Variants in HS6ST2 observed in about 807,000 individuals in gnomAD.
The protein encoded by HS6ST2 is heparan-sulfate 6-O-sulfotransferase 2.
HS6ST2 carries 17 observed loss-of-function variants against 33.0 expected under a neutral mutation model. That is an observed-to-expected ratio of 0.52 (90% CI 0.35 to 0.77). The LOEUF (loss-of-function observed/expected upper bound fraction) is 0.77, where lower values mean the gene tolerates loss of function less well. HS6ST2 is among the 30% of genes least tolerant of loss of function. The pLI is 0.01. For synonymous variants in HS6ST2, 248 were observed against 237.1 expected (o/e 1.05, Z -0.42); for missense variants, 519 against 551.7 (o/e 0.94, Z 0.59).
rs182093318 is a variant in HS6ST2, at chrX:132,665,811, C to T, written c.1067+3302G>A. Reference sequence around the variant, plus strand: ...GTTGGCATAGAAGAAACTGCTTGCACCTCCCTGAAAGTCATTTCCAGGGTA... The same window carrying T: ...GTTGGCATAGAAGAAACTGCTTGCATCTCCCTGAAAGTCATTTCCAGGGTA... On this transcript the variant is annotated intron_variant, in intron 4 of 4. Coordinates refer to ENST00000370833, the MANE Select transcript of HS6ST2 (RefSeq NM_001394073.1). Among the ~76,000 whole-genome samples, 12 of 110,682 alleles carry T rather than the reference C, an allele frequency of 1.1e-4. No homozygotes were observed. The East Asian group carries it at 2.6e-3, about 24-fold the overall frequency.
At chrX:132,805,438 CCA>C (rs2065272295) in intron 2 of HS6ST2, among the ~76,000 whole-genome samples, 2 of 110,195 alleles carry the variant, frequency 1.8e-5, no homozygotes, top group Middle Eastern at 4.2e-3. Context: ...CCTGCCTCCC[CCA>C]TCCCCCTTGG....
At chrX:132,705,370 A>C (rs1330570090) in intron 3 of HS6ST2, among the ~76,000 whole-genome samples, 1 of 111,751 alleles carries the variant, frequency 8.9e-6, no homozygotes, top group East Asian at 2.8e-4. Flanking sequence ...GAGGCCATTG[A>C]ATTGTGAAAC....
intron 3 of HS6ST2, among the ~76,000 whole-genome samples, chrX:132,673,331 CT>C (rs2063898655): frequency 8.9e-6 from 1 of 112,266 alleles, no homozygotes; most frequent in African/African-American, 3.2e-5. Flanking sequence ...GTATTAATGT[CT>C]TGCACCAGTT....
At chrX:132,886,301 TA>T (rs2066251469) in intron 2 of HS6ST2, among the ~76,000 whole-genome samples, 1 of 111,343 alleles carries the variant, frequency 9.0e-6, no homozygotes, top group Non-Finnish European at 1.9e-5. Context: ...AAAGAGAAAT[TA>T]AAATTTTCCC....
At chrX:132,769,620 A>G (rs1222158033) in intron 2 of HS6ST2, among the ~76,000 whole-genome samples, 2 of 112,616 alleles carry the variant, frequency 1.8e-5, no homozygotes, top group East Asian at 5.6e-4. Context: ...GCGATGGCAC[A>G]AGAAACAAAT....
intron 2 of HS6ST2, among the ~76,000 whole-genome samples, chrX:132,762,362 T>A (rs1009446638): frequency 2.7e-5 from 3 of 112,392 alleles, no homozygotes; most frequent in Non-Finnish European, 3.8e-5. Flanking sequence ...AAGTTCTTGA[T>A]AGAACCATTG....
intron 2 of HS6ST2, among the ~76,000 whole-genome samples, chrX:132,860,641 C>T (rs867838655): frequency 1.8e-5 from 2 of 111,416 alleles, no homozygotes; most frequent in South Asian, 7.5e-4. Flanking sequence ...GACTGTGTTT[C>T]CATTTCTAGT....
intron 2 of HS6ST2, among the ~76,000 whole-genome samples, chrX:132,883,278 G>A (rs773276538): frequency 9.0e-6 from 1 of 111,099 alleles, no homozygotes; most frequent in East Asian, 2.8e-4. Flanking sequence ...TTGGCTGGTA[G>A]GCTATTAATT....
intron 2 of HS6ST2, among the ~76,000 whole-genome samples, chrX:132,866,154 G>T (rs1476020663): frequency 9.0e-6 from 1 of 110,882 alleles, no homozygotes; most frequent in Non-Finnish European, 1.9e-5. Flanking sequence ...ATTGATTTTT[G>T]TATAAGGTGT....
chrX:132,932,896 C>A (rs997601479), intron 2 of HS6ST2, among the ~76,000 whole-genome samples: 1 of 102,852 alleles, frequency 9.7e-6, no homozygotes, highest in Non-Finnish European at 2.0e-5. Context: ...ATTCTATATT[C>A]TATAATATAT....
chrX:132,922,851 C>T (rs769792235), intron 2 of HS6ST2, among the ~76,000 whole-genome samples: 2 of 110,906 alleles, frequency 1.8e-5, no homozygotes, highest in Non-Finnish European at 3.8e-5. Flanking sequence ...TCACTTGAGG[C>T]CAGGAATTTG....
intron 2 of HS6ST2, among the ~76,000 whole-genome samples, chrX:132,809,500 G>A (rs1214438164): frequency 2.7e-5 from 3 of 111,974 alleles, no homozygotes; most frequent in African/African-American, 9.7e-5. Flanking sequence ...AAGCATCATG[G>A]TCCCTGCCTT....
At position 132,686,141 on chromosome X, in the gene HS6ST2, G is replaced by C. The variant is rs202245489; in HGVS notation, c.981-16942C>G. ...GTGGTCTTTCACTGACTTCTTTAAT[G>C]AAAACAGTTCTGCTGACAGGTGAGA... On this transcript the variant is annotated intron_variant, in intron 3 of 4. Coordinates refer to ENST00000370833, the MANE Select transcript of HS6ST2 (RefSeq NM_001394073.1). 2.9e-4 allele frequency among the ~76,000 whole-genome samples: 33 copies of C among 112,126 alleles called. No homozygotes were observed. The East Asian group carries it at 7.9e-3, about 27-fold the overall frequency.
At chrX:132,900,605 G>A (rs1277913291) in intron 2 of HS6ST2, among the ~76,000 whole-genome samples, 1 of 111,003 alleles carries the variant, frequency 9.0e-6, no homozygotes, top group Non-Finnish European at 1.9e-5. Context: ...TATAACATAT[G>A]TAGAAAAATG....
chrX:132,647,764 G>C (rs1426476333), intron 4 of HS6ST2, among the ~76,000 whole-genome samples: 1 of 112,476 alleles, frequency 8.9e-6, no homozygotes, highest in Non-Finnish European at 1.9e-5. Context: ...AGGAGGACAA[G>C]AAAGCCTTCC....
At chrX:132,815,291 C>T (rs1289841590) in intron 2 of HS6ST2, among the ~76,000 whole-genome samples, 2 of 111,686 alleles carry the variant, frequency 1.8e-5, no homozygotes, top group Non-Finnish European at 3.8e-5. Context: ...TTTTATGTAT[C>T]GATTATTCTG....
At chrX:132,858,260 C>T (rs2065873143) in intron 2 of HS6ST2, among the ~76,000 whole-genome samples, 1 of 111,919 alleles carries the variant, frequency 8.9e-6, no homozygotes, top group Admixed American at 9.5e-5. Context: ...GTGTGTATGT[C>T]AACCCTGCAG....
chrX:132,735,943 G>A (rs974615856), intron 2 of HS6ST2, among the ~76,000 whole-genome samples: 2 of 111,408 alleles, frequency 1.8e-5, no homozygotes, highest in African/African-American at 6.5e-5. Flanking sequence ...GGGTTCAAGT[G>A]ATTGTCCTGC....
At chrX:132,690,245 A>G (rs1033804386) in intron 3 of HS6ST2, among the ~76,000 whole-genome samples, 1 of 112,552 alleles carries the variant, frequency 8.9e-6, no homozygotes, top group African/African-American at 3.2e-5. Flanking sequence ...CTTACTGGCC[A>G]TACCAAAAAC....
Sources: gnomAD v4.1 joint callset for allele counts (sites outside exome capture counted in the v4.1 genomes callset) on GRCh38, gnomAD v4.1.1 for gene constraint, MANE v1.5 for transcripts, NCBI Gene and HGNC (gene_info 2026-07-23, HGNC 2026-07-21) for gene names.